ZC3H12B: variants seen among roughly 807,000 people sequenced by gnomAD.
ZC3H12B encodes the protein probable ribonuclease ZC3H12B.
ZC3H12B carries 7 observed loss-of-function variants against 43.9 expected under a neutral mutation model. The observed-to-expected ratio is 0.16, with a 90% CI of 0.09 to 0.30. The LOEUF is 0.30. Ranked by LOEUF, ZC3H12B falls within the 10% of genes least tolerant of loss-of-function variation. ZC3H12B has a pLI of 1.00. For missense variants in ZC3H12B, 475 were observed against 670.2 expected (o/e 0.71, Z 3.22); for synonymous variants, 222 against 241.7 (o/e 0.92, Z 0.76).
the ZC3H12B span, among the ~76,000 whole-genome samples, chrX:65,130,780 T>C: frequency 9.0e-6 from 1 of 110,943 alleles, no homozygotes; most frequent in Non-Finnish European, 1.9e-5. Flanking sequence ...TAGGTGGAAG[T>C]TTCAGTGGGG....
chrX:65,287,544 T>G, the ZC3H12B span, among the ~76,000 whole-genome samples: 6 of 110,755 alleles, frequency 5.4e-5, no homozygotes, highest in African/African-American at 1.6e-4. Flanking sequence ...GGATGTTGCT[T>G]GTGTCTAGGA....
chrX:65,351,541 C>G, the ZC3H12B span, among the ~76,000 whole-genome samples: 1 of 111,877 alleles, frequency 8.9e-6, no homozygotes, highest in Non-Finnish European at 1.9e-5. Flanking sequence ...ACCTGCACAA[C>G]GGGAGAAAAA....
intron 3 of ZC3H12B, among the ~76,000 whole-genome samples, chrX:65,456,740 A>G (rs2067621587): frequency 9.2e-6 from 1 of 108,672 alleles, no homozygotes; most frequent in African/African-American, 3.4e-5. Context: ...TCGTTCACTC[A>G]GTGCTCAATG....
chrX:65,392,496 C>T (rs773390052), intron 2 of ZC3H12B, among the ~76,000 whole-genome samples: 3 of 112,445 alleles, frequency 2.7e-5, no homozygotes, highest in East Asian at 2.9e-4. Flanking sequence ...AACCGGGCTG[C>T]CCCATCTGGG....
the ZC3H12B span, among the ~76,000 whole-genome samples, chrX:65,151,816 G>A: frequency 1.8e-5 from 2 of 111,450 alleles, no homozygotes; most frequent in African/African-American, 6.5e-5. Flanking sequence ...GATGAACATT[G>A]ATGCAAAAAT....
the ZC3H12B span, among the ~76,000 whole-genome samples, chrX:65,244,216 C>G: frequency 9.0e-6 from 1 of 110,642 alleles, no homozygotes; most frequent in African/African-American, 3.3e-5. Flanking sequence ...ATACTTGTAT[C>G]AAAATATCAA....
chrX:65,415,622 C>A (rs779027607), intron 3 of ZC3H12B, among the ~76,000 whole-genome samples: 4 of 111,862 alleles, frequency 3.6e-5, no homozygotes, highest in African/African-American at 1.3e-4. Flanking sequence ...ATGTCTGACC[C>A]TGACTTCCCA....
chrX:65,367,554 C>T (rs2066189842), intron 1 of ZC3H12B, among the ~76,000 whole-genome samples: 1 of 111,160 alleles, frequency 9.0e-6, no homozygotes, highest in African/African-American at 3.3e-5. Context: ...ATAAGATTTC[C>T]AGTTTCTTCT....
chrX:65,152,453 A>C, the ZC3H12B span, among the ~76,000 whole-genome samples: 4 of 111,572 alleles, frequency 3.6e-5, no homozygotes, highest in Non-Finnish European at 7.5e-5. Flanking sequence ...CAGAGAGCCA[A>C]ATCATGAGTG....
At chrX:65,177,092 G>A in the ZC3H12B span, among the ~76,000 whole-genome samples, 1 of 112,198 alleles carries the variant, frequency 8.9e-6, no homozygotes, top group East Asian at 2.8e-4. Context: ...GATCAAGTCG[G>A]CTTTATTGCT....
At chrX:65,128,947 T>A in the ZC3H12B span, among the ~76,000 whole-genome samples, 1 of 111,488 alleles carries the variant, frequency 9.0e-6, no homozygotes, top group Non-Finnish European at 1.9e-5. Context: ...TTTGAAGTGA[T>A]TATCCTGTAG....
the ZC3H12B span, among the ~76,000 whole-genome samples, chrX:65,233,856 G>C: frequency 9.0e-6 from 1 of 111,071 alleles, no homozygotes; most frequent in South Asian, 3.7e-4. Flanking sequence ...AAACAGGGAA[G>C]ACAAAAATAA....
chrX:65,375,437 G>A (rs1024837754), intron 2 of ZC3H12B, among the ~76,000 whole-genome samples: 8 of 112,327 alleles, frequency 7.1e-5, no homozygotes, highest in African/African-American at 2.6e-4. Context: ...TTGGGGGAAT[G>A]TGACCTGCTG....
At chrX:65,140,526 A>G in the ZC3H12B span, among the ~76,000 whole-genome samples, 1 of 111,772 alleles carries the variant, frequency 8.9e-6, no homozygotes, top group Non-Finnish European at 1.9e-5. Flanking sequence ...TTTTACATCT[A>G]TGTTCATCAG....
At chrX:65,171,741 G>T in the ZC3H12B span, among the ~76,000 whole-genome samples, 1 of 110,868 alleles carries the variant, frequency 9.0e-6, no homozygotes, top group Non-Finnish European at 1.9e-5. Flanking sequence ...CTCAGCAATG[G>T]TGGACGCCCC....
the ZC3H12B span, among the ~76,000 whole-genome samples, chrX:65,327,665 A>G: frequency 9.0e-6 from 1 of 111,593 alleles, no homozygotes; most frequent in African/African-American, 3.2e-5. Flanking sequence ...ATTACCAGGT[A>G]TTATAAAAGG....
the ZC3H12B span, among the ~76,000 whole-genome samples, chrX:65,231,569 G>T: frequency 1.8e-5 from 2 of 110,905 alleles, no homozygotes; most frequent in East Asian, 5.7e-4. Context: ...CTACCCCCAG[G>T]AATGCATTCC....
At chrX:65,160,789 T>C in the ZC3H12B span, among the ~76,000 whole-genome samples, 1 of 111,820 alleles carries the variant, frequency 8.9e-6, no homozygotes, top group African/African-American at 3.2e-5. Context: ...TAGTTATTTC[T>C]TGCCTTCTGC....
At chrX:65,374,941 T>C (rs1273139806) in intron 2 of ZC3H12B, among the ~76,000 whole-genome samples, 2 of 111,223 alleles carry the variant, frequency 1.8e-5, no homozygotes, top group Non-Finnish European at 3.8e-5. Context: ...ATCAGGTCCT[T>C]CCCATGACAC....
Sources: gnomAD v4.1 joint callset for allele counts (sites outside exome capture counted in the v4.1 genomes callset) on GRCh38, gnomAD v4.1.1 for gene constraint, MANE v1.5 for transcripts, NCBI Gene and HGNC (gene_info 2026-07-23, HGNC 2026-07-21) for gene names.